Variants in TTC6 observed in about 807,000 individuals in gnomAD.
TTC6 encodes tetratricopeptide repeat protein 6.
Under a neutral mutation model 210.4 loss-of-function variants are expected in TTC6, and 172 were observed. That is an observed-to-expected ratio of 0.82 (90% confidence interval 0.72 to 0.93). The LOEUF (loss-of-function observed/expected upper bound fraction) is 0.93. Ranked by LOEUF, TTC6 falls within the 40% of genes least tolerant of loss-of-function variation. TTC6 has a pLI of 0.00. For synonymous variants in TTC6, 804 were observed against 819.6 expected, an observed-to-expected ratio of 0.98 and a Z score of 0.32; for missense variants, 2,414 against 2,318.1, an observed-to-expected ratio of 1.04 and a Z score of -0.85.
rs2096070818 is a variant in TTC6 at position 37,787,592 on chromosome 14, A to T, written c.3391A>T (p.Arg1131Ter). 6 of 1,521,696 alleles carry T rather than the reference A, an allele frequency of 3.9e-6. No homozygotes were observed. Among genetic ancestry groups the T allele is most frequent in the Non-Finnish European group, 5.3e-6 (6 of 1,137,194 alleles). 94.3% of individuals were successfully genotyped at this position (1,521,696 alleles called of 1,614,324 possible). The change falls in exon 15 of 31, where the codon AGA becomes TGA. Residue 1131 changes from arginine (R) to a stop codon, truncating the protein, a stop_gained. Coordinates refer to ENST00000553443, the Ensembl canonical transcript of TTC6. LOFTEE classifies it high-confidence loss of function. ...GTTGTATTATCGAGGTTGCTTATTC[A>T]GAAAGAGTAACCCTTTTAGAGCGCT...
At chr14:37,820,646 G>T (rs1302187626) in intron 26 of TTC6, among the ~76,000 whole-genome samples, 2 of 152,142 alleles carry the variant, frequency 1.3e-5, no homozygotes, top group African/African-American at 4.8e-5. Flanking sequence ...ATTTGGTGGA[G>T]AATATAAGAG....
chr14:37,631,102 C>T (rs1462181569), intron 1 of TTC6, among the ~76,000 whole-genome samples: 1 of 151,294 alleles, frequency 6.6e-6, no homozygotes, highest in Non-Finnish European at 1.5e-5. Flanking sequence ...GGAATTTAGC[C>T]CATTTACATT....
At chr14:37,777,917 T>G (rs2096042825) in intron 14 of TTC6, among the ~76,000 whole-genome samples, 1 of 152,124 alleles carries the variant, frequency 6.6e-6, no homozygotes, top group Non-Finnish European at 1.5e-5. Flanking sequence ...GGCTGCATGT[T>G]CTAACTCTGG....
intron 7 of TTC6, among the ~76,000 whole-genome samples, chr14:37,727,574 T>C (rs530488174): frequency 1.1e-4 from 16 of 152,178 alleles, no homozygotes; most frequent in African/African-American, 2.6e-4. Flanking sequence ...ATTACAGGTG[T>C]GAGCCACCAC....
intron 1 of TTC6, among the ~76,000 whole-genome samples, chr14:37,652,110 C>T (rs1035799285): frequency 1.3e-5 from 2 of 152,144 alleles, no homozygotes; most frequent in Non-Finnish European, 2.9e-5. Context: ...GGCAGTAAGG[C>T]TGGAGAGCAG....
chr14:37,828,028 T>G (rs1039829358), intron 29 of TTC6: 1 of 152,024 alleles, frequency 6.6e-6, no homozygotes, highest in East Asian at 1.9e-4. Context: ...AAGACCCTCC[T>G]TATGATTATC....
intron 14 of TTC6, among the ~76,000 whole-genome samples, chr14:37,777,419 A>G (rs1453873106): frequency 1.3e-5 from 2 of 152,108 alleles, no homozygotes; most frequent in Non-Finnish European, 2.9e-5. Context: ...GTATTCTGAA[A>G]TTCTTAAAGT....
At chr14:37,842,155 C>A in exon 31 of TTC6, 1 of 1,535,276 alleles carries the variant, frequency 6.5e-7, no homozygotes, top group Non-Finnish European at 8.7e-7. Flanking sequence ...TCTTTTGCAG[C>A]CCTGTCTTTG....
chr14:37,782,968 G>A (rs1045199181), intron 14 of TTC6, among the ~76,000 whole-genome samples: 50 of 152,296 alleles, frequency 3.3e-4, no homozygotes, highest in African/African-American at 1.2e-3. Flanking sequence ...TTGCATCCCA[G>A]GGATGAAGCC....
chr14:37,597,541 T>A (rs964864979), intron 1 of TTC6, among the ~76,000 whole-genome samples: 2 of 71,450 alleles, frequency 2.8e-5, no homozygotes, highest in Non-Finnish European at 5.5e-5. Context: ...AGTCTCATAT[T>A]TTCAAAAAAA....
intron 6 of TTC6, among the ~76,000 whole-genome samples, chr14:37,717,291 C>G (rs536417912): frequency 1.3e-5 from 2 of 151,652 alleles, no homozygotes; most frequent in South Asian, 4.2e-4. Flanking sequence ...TTGAAAAGAT[C>G]ATTGAAATTA....
chr14:37,715,819 A>G (rs1199680461), intron 6 of TTC6, among the ~76,000 whole-genome samples: 1 of 152,338 alleles, frequency 6.6e-6, no homozygotes, highest in East Asian at 1.9e-4. Context: ...TGTTGCCAGC[A>G]TACCTAACCT....
At chr14:37,701,351 A>G in exon 5 of TTC6, 2 of 1,453,792 alleles carry the variant, frequency 1.4e-6, no homozygotes, top group Admixed American at 2.9e-5. Context: ...AGACTACTCC[A>G]TGCCGCACCT....
At chr14:37,807,873 G>T (rs913188519) in intron 23 of TTC6, among the ~76,000 whole-genome samples, 2 of 151,978 alleles carry the variant, frequency 1.3e-5, no homozygotes, top group African/African-American at 4.8e-5. Context: ...TATATAACTT[G>T]TGTGGTGCCC....
Position 37,681,902 on chromosome 14 carries a change from TC to T in TTC6, c.1051-853del, listed in dbSNP as rs1294879093. ...CAAGCCAATGGAGCAGCTGAATGGCTCCCTGCTAAATATTCAAATGTCCCCC... is the reference window on the plus strand; with the variant it reads ...CAAGCCAATGGAGCAGCTGAATGGCTCCTGCTAAATATTCAAATGTCCCCC... On this transcript the variant is annotated intron_variant, in intron 2 of 30. Coordinates refer to ENST00000553443, the Ensembl canonical transcript of TTC6. Among the ~76,000 whole-genome samples, 4 of 152,174 alleles carry T rather than the reference TC, an allele frequency of 2.6e-5. No individual in the cohort carries two copies. In the East Asian group the frequency reaches 7.7e-4, roughly 29 times the overall value.
chr14:37,724,832 G>T, intron 6 of TTC6, 66 bp from the exon 9 acceptor site: 1 of 890,616 alleles, frequency 1.1e-6, no homozygotes, highest in Non-Finnish European at 1.6e-6. Context: ...TTTGACAGGA[G>T]ATTGAGTTTT....
chr14:37,773,004 A>G lies in TTC6; in HGVS notation c.3267-14464A>G, dbSNP rs528793874. On this transcript the variant is annotated intron_variant, in intron 14 of 30. Transcript: ENST00000553443. Reference sequence around the variant, plus strand: ...ATTTGCATTTCTCTAACGATTAGTGATATTGAGCATTTTTTCATATGCTTA... The same window carrying G: ...ATTTGCATTTCTCTAACGATTAGTGGTATTGAGCATTTTTTCATATGCTTA... Among the ~76,000 whole-genome samples, 8 of 152,226 alleles carry G rather than the reference A, an allele frequency of 5.3e-5. No homozygotes were observed. In the South Asian group the frequency reaches 1.7e-3, roughly 32 times the overall value.
At chr14:37,692,714 C>G (rs187246159) in intron 3 of TTC6, among the ~76,000 whole-genome samples, 11 of 151,792 alleles carry the variant, frequency 7.2e-5, no homozygotes, top group Non-Finnish European at 1.0e-4. Flanking sequence ...CAAAAATTAG[C>G]CAGATATGGT....
chr14:37,800,838 A>C (rs151214210), intron 20 of TTC6, among the ~76,000 whole-genome samples: 1 of 152,218 alleles, frequency 6.6e-6, no homozygotes, highest in Non-Finnish European at 1.5e-5. Flanking sequence ...ACTTAGACAG[A>C]GAGAGTACAA....
Sources: gnomAD v4.1 joint callset for allele counts (sites outside exome capture counted in the v4.1 genomes callset) on GRCh38, gnomAD v4.1.1 for gene constraint, MANE v1.5 for transcripts, NCBI Gene and HGNC (gene_info 2026-07-23, HGNC 2026-07-21) for gene names.